Variants in ANK3 observed in about 807,000 individuals in gnomAD.
ANK3 encodes the protein ankyrin-3.
ANK3 carries 57 observed loss-of-function variants against 370.9 expected under a neutral mutation model. The ratio of observed to expected loss-of-function variants is 0.15; its 90% CI spans 0.12 to 0.19. The LOEUF (loss-of-function observed/expected upper bound fraction) is 0.19, where lower values mean the gene tolerates loss of function less well. Ranked by LOEUF, ANK3 falls within the 10% of genes least tolerant of loss-of-function variation. The pLI is 1.00. For synonymous variants in ANK3, 1,929 were observed against 1,946.3 expected, an observed-to-expected ratio of 0.99 and a Z score of 0.23; for missense variants, 4,439 against 5,302.1, an observed-to-expected ratio of 0.84 and a Z score of 5.06.
At chr10:60,082,583 G>A (rs2085540380) in intron 34 of ANK3, 32 bp downstream of exon 34, 2 of 1,606,374 alleles carry the variant, frequency 1.2e-6, no homozygotes, top group Non-Finnish European at 1.7e-6. Context: ...CAAGACCAGG[G>A]AAAGACAATT....
At chr10:60,187,009 TA>T (rs2096355307) in intron 16 of ANK3, 97 bp from the exon 17 acceptor site, 2 of 1,184,906 alleles carry the variant, frequency 1.7e-6, no homozygotes, top group Admixed American at 1.9e-5. Flanking sequence ...AGTGGTTTTC[TA>T]TGATTGCTTA....
chr10:60,536,176 T>A (rs1175150334), intron 2 of ANK3, among the ~76,000 whole-genome samples: 1 of 152,100 alleles, frequency 6.6e-6, no homozygotes. Flanking sequence ...TTCTCTCTCT[T>A]ATCAAACCCA....
chr10:60,643,726 AG>A (rs1336835786), intron 1 of ANK3, among the ~76,000 whole-genome samples: 1 of 152,098 alleles, frequency 6.6e-6, no homozygotes, highest in Non-Finnish European at 1.5e-5. Flanking sequence ...CCCGAAGCCC[AG>A]TGGTTAATCC....
intron 2 of ANK3, among the ~76,000 whole-genome samples, chr10:60,602,233 G>A (rs2078074177): frequency 6.6e-6 from 1 of 151,950 alleles, no homozygotes; most frequent in Non-Finnish European, 1.5e-5. Context: ...TAATGTGTTG[G>A]GCATTTCTCC....
rs766242874 is a variant in ANK3, at chr10:60,186,864, T to C, written c.1936A>G (p.Ile646Val). The C allele has an allele frequency of 9.9e-6, 16 of 1,614,104 alleles. No individual in the cohort carries two copies. Among genetic ancestry groups the C allele is most frequent in the Non-Finnish European group, 6.8e-6 (8 of 1,180,038 alleles). ...CCATATTCCAGCAGAGTTGTCGCTATGTCCATCTGGTTCTTTTTGGCAGCG... is the reference window on the plus strand; with the variant it reads ...CCATATTCCAGCAGAGTTGTCGCTACGTCCATCTGGTTCTTTTTGGCAGCG... ...HIAAKKNQMDIATTLLEYGAD... is the reference protein window; with the variant it reads ...HIAAKKNQMDVATTLLEYGAD... The change falls in exon 17 of 44, where the codon ATA becomes GTA. Residue 646 changes from isoleucine (I) to valine (V), a missense_variant. This residue lies in a region of ANK3 where 192 missense variants were observed against 192.1 expected (regional missense o/e 1.00). Coordinates refer to ENST00000280772, the MANE Select transcript of ANK3 (RefSeq NM_020987.5).
chr10:60,704,886 A>G (rs2079593295), intron 1 of ANK3, among the ~76,000 whole-genome samples: 1 of 152,216 alleles, frequency 6.6e-6, no homozygotes, highest in African/African-American at 2.4e-5. Context: ...AGTTAGAACT[A>G]GATCATAGGT....
intron 25 of ANK3, among the ~76,000 whole-genome samples, chr10:60,131,796 G>C (rs983573638): frequency 1.3e-5 from 2 of 152,144 alleles, no homozygotes; most frequent in African/African-American, 4.8e-5. Context: ...AGTGGTGGAG[G>C]TGACAGTGAT....
rs35437805 is a variant in ANK3 at position 60,045,916 on chromosome 10, AT to A, written c.13066-3158del. ...GTTTTGCTAGCAAAGTTTTGTTCTCATTTTTTTTTTTTCTTATTACAAAGTG... is the reference window on the plus strand; with the variant it reads ...GTTTTGCTAGCAAAGTTTTGTTCTCATTTTTTTTTTTCTTATTACAAAGTG... On this transcript the variant is annotated intron_variant, in intron 42 of 43. Transcript: ENST00000280772. 6.8e-4 allele frequency among the ~76,000 whole-genome samples: 101 copies of A among 149,370 alleles called. No individual in the cohort carries two copies. The South Asian group carries it at 6.8e-3, about 10-fold the overall frequency.
intron 2 of ANK3, among the ~76,000 whole-genome samples, chr10:60,395,472 G>T (rs997595966): frequency 2.6e-5 from 4 of 152,148 alleles, no homozygotes; most frequent in Admixed American, 6.5e-5. Flanking sequence ...AAGAGAGCCC[G>T]ATCTGTCAGA....
chr10:60,045,710 A>AGGCAC (rs1256073290), intron 42 of ANK3, among the ~76,000 whole-genome samples: 2 of 152,210 alleles, frequency 1.3e-5, no homozygotes, highest in Non-Finnish European at 2.9e-5. Context: ...CCTTCCTGGA[A>AGGCAC]AAGTGAGATT....
At chr10:60,594,964 A>G (rs1466972408) in intron 2 of ANK3, among the ~76,000 whole-genome samples, 1 of 152,076 alleles carries the variant, frequency 6.6e-6, no homozygotes, top group African/African-American at 2.4e-5. Context: ...GATCCTTTAG[A>G]TTACTGCTAC....
intron 1 of ANK3, among the ~76,000 whole-genome samples, chr10:60,301,314 A>C (rs1351643756): frequency 1.3e-5 from 2 of 148,700 alleles, no homozygotes; most frequent in East Asian, 2.0e-4. Context: ...ATATACACAC[A>C]TACACACACG....
At chr10:60,246,492 G>A (rs1047377437) in intron 7 of ANK3, among the ~76,000 whole-genome samples, 1 of 152,082 alleles carries the variant, frequency 6.6e-6, no homozygotes, top group Non-Finnish European at 1.5e-5. Flanking sequence ...GACTGACACC[G>A]AAGATACTGA....
rs2072447025 is a variant in ANK3, at chr10:60,027,253, G to A, written c.*2593C>T. 6.8e-6 allele frequency: 1 copy of A among 146,022 alleles called. No homozygotes were observed. Among genetic ancestry groups the A allele is most frequent in the African/African-American group, 2.5e-5 (1 of 39,258 alleles). The allele number at this position is 146,022 out of a possible 1,614,324, so 9.0% of individuals were successfully genotyped here. ...TAGGAAGTTAGGACACCTATATTCT[G>A]ATCCTGGCTTTACAGAGAGGCATTT... On this transcript the variant is annotated 3_prime_UTR_variant, in exon 44 of 44. Coordinates refer to ENST00000280772, the MANE Select transcript of ANK3 (RefSeq NM_020987.5).
At chr10:60,080,659 C>T in intron 35 of ANK3, 41 bp from the exon 36 acceptor site, 1 of 1,430,408 alleles carries the variant, frequency 7.0e-7, no homozygotes, top group Non-Finnish European at 9.5e-7. Context: ...TTTCCAACTT[C>T]CCTGTGACAT....
chr10:60,591,901 G>A (rs1030871949), intron 2 of ANK3, among the ~76,000 whole-genome samples: 2 of 152,160 alleles, frequency 1.3e-5, no homozygotes, highest in African/African-American at 4.8e-5. Flanking sequence ...GACATAGAGA[G>A]CAGAAGCATG....
At chr10:60,344,660 AT>A (rs1355622843) in intron 1 of ANK3, among the ~76,000 whole-genome samples, 2 of 152,200 alleles carry the variant, frequency 1.3e-5, no homozygotes, top group Non-Finnish European at 2.9e-5. Context: ...CTCTTAAAAA[AT>A]GTTAGATCAA....
chr10:60,551,524 T>C (rs992765511), intron 2 of ANK3, among the ~76,000 whole-genome samples: 1 of 152,212 alleles, frequency 6.6e-6, no homozygotes, highest in African/African-American at 2.4e-5. Context: ...CTTATTTTAG[T>C]GATGAAAATA....
chr10:60,538,523 A>G (rs2076773690), intron 2 of ANK3, among the ~76,000 whole-genome samples: 1 of 151,628 alleles, frequency 6.6e-6, no homozygotes, highest in Non-Finnish European at 1.5e-5. Flanking sequence ...TGCTTTAATC[A>G]CTCTACTTGG....
Sources: gnomAD v4.1 joint callset for allele counts (sites outside exome capture counted in the v4.1 genomes callset) on GRCh38, gnomAD v4.1.1 for gene constraint, gnomAD v4.1.1 regional missense constraint, MANE v1.5 for transcripts, NCBI Gene and HGNC (gene_info 2026-07-23, HGNC 2026-07-21) for gene names.